Variants in BRINP3 observed in about 807,000 individuals in gnomAD.
The protein encoded by BRINP3 is BMP/retinoic acid inducible neural specific 3.
A neutral mutation model predicts 71.0 loss-of-function variants in BRINP3; 19 were observed. The observed-to-expected ratio is 0.27, with a 90% CI of 0.19 to 0.39. The LOEUF (loss-of-function observed/expected upper bound fraction) is 0.39, where lower values mean the gene tolerates loss of function less well. Among genes scored for constraint, BRINP3 ranks in the 10% least tolerant of loss-of-function variants. The pLI is 1.00. For missense variants in BRINP3, 959 were observed against 940.8 expected, an observed-to-expected ratio of 1.02 and a Z score of -0.25; for synonymous variants, 380 against 337.7, an observed-to-expected ratio of 1.13 and a Z score of -1.37.
intron 1 of BRINP3, among the ~76,000 whole-genome samples, chr1:190,461,327 G>T (rs1676385134): frequency 6.6e-6 from 1 of 152,012 alleles, no homozygotes; most frequent in Non-Finnish European, 1.5e-5. Flanking sequence ...TGACTGTTTG[G>T]ACTAGGATCT....
chr1:190,213,032 G>A (rs1656118165), intron 6 of BRINP3, among the ~76,000 whole-genome samples: 1 of 152,038 alleles, frequency 6.6e-6, no homozygotes, highest in South Asian at 2.1e-4. Context: ...AGTGGATCAT[G>A]AAGGTGTCAA....
chr1:190,120,469 C>A (rs1435923127), intron 7 of BRINP3, among the ~76,000 whole-genome samples: 1 of 151,576 alleles, frequency 6.6e-6, no homozygotes, highest in Non-Finnish European at 1.5e-5. Context: ...TTTTACAAAC[C>A]TACTTTTTAA....
intron 4 of BRINP3, among the ~76,000 whole-genome samples, chr1:190,251,766 T>C (rs1660165091): frequency 6.6e-6 from 1 of 151,466 alleles, no homozygotes; most frequent in Non-Finnish European, 1.5e-5. Context: ...TGCATTTCAC[T>C]TAATATGATA....
chr1:190,450,173 T>C (rs1361185794), intron 2 of BRINP3, among the ~76,000 whole-genome samples: 1 of 152,146 alleles, frequency 6.6e-6, no homozygotes, highest in African/African-American at 2.4e-5. Flanking sequence ...GATCCTGTCG[T>C]AGAGAGGGAG....
At chr1:190,281,207 T>C (rs372697749) in intron 3 of BRINP3, among the ~76,000 whole-genome samples, 1 of 152,096 alleles carries the variant, frequency 6.6e-6, no homozygotes. Flanking sequence ...AAAGAAATCT[T>C]TCCTTCTCTC....
intron 2 of BRINP3, among the ~76,000 whole-genome samples, chr1:190,379,175 C>T (rs961990151): frequency 2.6e-5 from 4 of 152,052 alleles, no homozygotes; most frequent in African/African-American, 9.7e-5. Context: ...GGATTATCTA[C>T]CACCAGATTT....
At chr1:190,103,039 G>T (rs769377177) in intron 7 of BRINP3, among the ~76,000 whole-genome samples, 2 of 151,952 alleles carry the variant, frequency 1.3e-5, no homozygotes, top group Non-Finnish European at 2.9e-5. Flanking sequence ...TTTAAGATTT[G>T]CTCTTCTCCA....
intron 2 of BRINP3, among the ~76,000 whole-genome samples, chr1:190,365,658 T>A: frequency 7.9e-6 from 1 of 126,146 alleles, no homozygotes; most frequent in East Asian, 2.3e-4. Context: ...ATAGTAAAAA[T>A]ATATTATAAT....
chr1:190,288,370 A>G (rs2102957816), intron 2 of BRINP3, among the ~76,000 whole-genome samples: 1 of 152,112 alleles, frequency 6.6e-6, no homozygotes, highest in African/African-American at 2.4e-5. Context: ...GAAGTAATTC[A>G]TTATCTTCAT....
intron 4 of BRINP3, among the ~76,000 whole-genome samples, chr1:190,257,076 G>T (rs1190830930): frequency 6.6e-6 from 1 of 152,186 alleles, no homozygotes; most frequent in Non-Finnish European, 1.5e-5. Context: ...ATATCCTGAA[G>T]AGTGTTTTCC....
At chr1:190,257,951 TGAG>T (rs993233513) in intron 4 of BRINP3, among the ~76,000 whole-genome samples, 2 of 152,144 alleles carry the variant, frequency 1.3e-5, no homozygotes, top group African/African-American at 4.8e-5. Flanking sequence ...GGGACCCACT[TGAG>T]GAGGCAATCT....
intron 2 of BRINP3, among the ~76,000 whole-genome samples, chr1:190,389,560 G>A (rs1671120450): frequency 6.6e-6 from 1 of 151,726 alleles, no homozygotes; most frequent in Non-Finnish European, 1.5e-5. Flanking sequence ...GACCTAATTT[G>A]GCCCGTAACA....
At chr1:190,364,616 A>C (rs1669366122) in intron 2 of BRINP3, among the ~76,000 whole-genome samples, 1 of 151,980 alleles carries the variant, frequency 6.6e-6, no homozygotes, top group Non-Finnish European at 1.5e-5. Flanking sequence ...TATTAAATAT[A>C]TATTTTATGT....
intron 7 of BRINP3, among the ~76,000 whole-genome samples, chr1:190,117,339 G>T (rs1050197620): frequency 6.6e-6 from 1 of 151,896 alleles, no homozygotes; most frequent in African/African-American, 2.4e-5. Flanking sequence ...AACCTGAAAA[G>T]ACACAATGGC....
At chr1:190,332,231 A>G (rs182997805) in intron 2 of BRINP3, among the ~76,000 whole-genome samples, 1 of 152,178 alleles carries the variant, frequency 6.6e-6, no homozygotes, top group Admixed American at 6.6e-5. Flanking sequence ...ACTCTTACTT[A>G]TCTTTCATTT....
At chr1:190,437,105 T>A (rs1674515726) in intron 2 of BRINP3, among the ~76,000 whole-genome samples, 1 of 151,780 alleles carries the variant, frequency 6.6e-6, no homozygotes, top group South Asian at 2.1e-4. Flanking sequence ...GTTTTTATAT[T>A]ACCATGTTTT....
At chr1:190,294,986 C>A (rs1318511921) in intron 2 of BRINP3, among the ~76,000 whole-genome samples, 1 of 151,974 alleles carries the variant, frequency 6.6e-6, no homozygotes, top group Non-Finnish European at 1.5e-5. Context: ...GAAGGATTCT[C>A]TCTCTACTCT....
intron 7 of BRINP3, among the ~76,000 whole-genome samples, chr1:190,148,186 T>G (rs1018136751): frequency 6.6e-6 from 1 of 152,094 alleles, no homozygotes; most frequent in Non-Finnish European, 1.5e-5. Context: ...AGAAAAGCTC[T>G]CTCTCTCTTT....
At chr1:190,297,706 C>T (rs2102986093) in intron 2 of BRINP3, among the ~76,000 whole-genome samples, 1 of 151,746 alleles carries the variant, frequency 6.6e-6, no homozygotes, top group East Asian at 1.9e-4. Flanking sequence ...TTGAACCAAA[C>T]TTACAATGCT....
Sources: allele counts gnomAD v4.1 joint callset (sites outside exome capture counted in the v4.1 genomes callset), GRCh38; gene constraint gnomAD v4.1.1; transcripts MANE v1.5; gene names NCBI Gene and HGNC (gene_info 2026-07-23, HGNC 2026-07-21).